LRMDA: variants seen among roughly 807,000 people sequenced by gnomAD.
LRMDA encodes leucine rich melanocyte differentiation associated, also known as leucine-rich melanocyte differentiation-associated protein.
LRMDA carries 18 observed loss-of-function variants against 29.8 expected under a neutral mutation model. The ratio of observed to expected loss-of-function variants is 0.60; its 90% CI spans 0.42 to 0.90. LRMDA has a LOEUF of 0.90. Ranked by LOEUF, LRMDA falls within the 40% of genes least tolerant of loss-of-function variation. The pLI is 0.00. For synonymous variants in LRMDA, 125 were observed against 109.4 expected, an observed-to-expected ratio of 1.14 and a Z score of -0.89; for missense variants, 273 against 273.9, an observed-to-expected ratio of 1.00 and a Z score of 0.02.
intron 2 of LRMDA, among the ~76,000 whole-genome samples, chr10:75,896,786 G>A (rs1589245146): frequency 6.6e-6 from 1 of 151,834 alleles, no homozygotes; most frequent in African/African-American, 2.4e-5. Context: ...CTGAGGCATG[G>A]ACCTTGTTCC....
rs67846089 is a variant in LRMDA at position 75,812,108 on chromosome 10, A to ATTTTTTTTTT, written c.132-223879_132-223870dup. On this transcript the variant is annotated intron_variant, in intron 2 of 6. Coordinates refer to ENST00000611255, the MANE Select transcript of LRMDA (RefSeq NM_001305581.2). ...TAGTTTCTAAGGGGCTTTAATTGTG[A>ATTTTTTTTTT]TTTTTTTTTTTTTTTTTTTTTTTTT... Among the ~76,000 whole-genome samples, 112 of 46,284 alleles carry ATTTTTTTTTT rather than the reference A, an allele frequency of 2.4e-3. 10 individuals carry two copies. Among genetic ancestry groups the ATTTTTTTTTT allele is most frequent in the African/African-American group, 0.013 (108 of 8,378 alleles). 30.4% of individuals were successfully genotyped at this position (46,284 alleles called of 152,430 possible). A position where few individuals can be genotyped will look rare whatever the true frequency, so the allele number is the denominator to read the frequency against.
At chr10:75,885,543 A>G (rs1193251379) in intron 2 of LRMDA, among the ~76,000 whole-genome samples, 3 of 152,062 alleles carry the variant, frequency 2.0e-5, no homozygotes, top group Non-Finnish European at 4.4e-5. Context: ...AATACAGTCA[A>G]TCTCAGGAAT....
intron 6 of LRMDA, among the ~76,000 whole-genome samples, chr10:76,515,481 A>G (rs1284368288): frequency 1.3e-5 from 2 of 152,114 alleles, no homozygotes; most frequent in Non-Finnish European, 2.9e-5. Flanking sequence ...AAAGTATGGT[A>G]GATTAGACAC....
chr10:76,451,864 T>G (rs1433531292), intron 6 of LRMDA, among the ~76,000 whole-genome samples: 1 of 151,326 alleles, frequency 6.6e-6, no homozygotes, highest in Non-Finnish European at 1.5e-5. Flanking sequence ...TCCATGTTGG[T>G]CAGGCTGGTC....
At chr10:75,706,655 G>A (rs1359902605) in intron 2 of LRMDA, among the ~76,000 whole-genome samples, 1 of 151,600 alleles carries the variant, frequency 6.6e-6, no homozygotes, top group Admixed American at 6.6e-5. Context: ...AGCTTGCAGA[G>A]TATGTTAGGG....
chr10:75,843,693 T>C (rs1278632351), intron 2 of LRMDA, among the ~76,000 whole-genome samples: 1 of 152,204 alleles, frequency 6.6e-6, no homozygotes, highest in Admixed American at 6.5e-5. Flanking sequence ...ACCCTTTCTG[T>C]GGGCAAGACA....
intron 2 of LRMDA, among the ~76,000 whole-genome samples, chr10:75,924,962 G>A (rs554559877): frequency 9.8e-5 from 15 of 152,334 alleles, no homozygotes; most frequent in African/African-American, 3.6e-4. Context: ...TGCCACTCTA[G>A]TTGAATGGGT....
At chr10:75,783,614 C>T (rs935910886) in intron 2 of LRMDA, among the ~76,000 whole-genome samples, 5 of 152,098 alleles carry the variant, frequency 3.3e-5, no homozygotes, top group African/African-American at 7.2e-5. Flanking sequence ...CACGTGCCAT[C>T]CCTCCAAAGT....
intron 5 of LRMDA, among the ~76,000 whole-genome samples, chr10:76,129,452 T>C (rs1849946364): frequency 6.6e-6 from 1 of 152,228 alleles, no homozygotes; most frequent in South Asian, 2.1e-4. Context: ...AACGCTGGTC[T>C]CCTGAAATAG....
At chr10:76,013,691 G>A (rs1847825828) in intron 2 of LRMDA, among the ~76,000 whole-genome samples, 1 of 152,148 alleles carries the variant, frequency 6.6e-6, no homozygotes, top group African/African-American at 2.4e-5. Context: ...GGAAGGCCGA[G>A]GAAGAGTGGA....
At chr10:75,807,636 A>C (rs138439799) in intron 2 of LRMDA, among the ~76,000 whole-genome samples, 2 of 152,296 alleles carry the variant, frequency 1.3e-5, no homozygotes, top group Admixed American at 6.5e-5. Flanking sequence ...AGCTTGACGA[A>C]CAGTGGCCGA....
intron 6 of LRMDA, among the ~76,000 whole-genome samples, chr10:76,553,016 G>A (rs1843513664): frequency 6.6e-6 from 1 of 152,092 alleles, no homozygotes; most frequent in Admixed American, 6.6e-5. Context: ...AAGATAAAGG[G>A]CCTCTTTAAA....
At chr10:75,962,929 T>A (rs1846793929) in intron 2 of LRMDA, among the ~76,000 whole-genome samples, 1 of 152,178 alleles carries the variant, frequency 6.6e-6, no homozygotes, top group African/African-American at 2.4e-5. Flanking sequence ...TTTAGAAACA[T>A]CCTGTTATTG....
In LRMDA at chr10:76,559,677, G is replaced by T. The variant is rs1194989698; in HGVS notation, c.*2389G>T. 1.3e-5 allele frequency: 2 copies of T among 152,222 alleles called. No homozygotes were observed. The highest frequency in any genetic ancestry group is 2.4e-5 in the African/African-American group (1 of 41,440). 9.4% of individuals were successfully genotyped at this position (152,222 alleles called of 1,614,324 possible). A position where few individuals can be genotyped will look rare whatever the true frequency, so the allele number is the denominator to read the frequency against. On this transcript the variant is annotated 3_prime_UTR_variant, in exon 7 of 7. Coordinates refer to ENST00000611255, the MANE Select transcript of LRMDA (RefSeq NM_001305581.2). ...TTCCCAAACCTTGTTTTTCAAAGTT[G>T]AGAAGTAGAAAGTAATAAATTCAAT...
chr10:75,608,109 T>TATATATATATATATATA, intron 2 of LRMDA, among the ~76,000 whole-genome samples: 1 of 79,208 alleles, frequency 1.3e-5, no homozygotes, highest in Non-Finnish European at 2.7e-5. Flanking sequence ...TTGTAGTGTG[T>TATATATATATATATATA]GTATATATAT....
At chr10:76,327,475 A>G (rs1205947595) in intron 6 of LRMDA, among the ~76,000 whole-genome samples, 1 of 151,920 alleles carries the variant, frequency 6.6e-6, no homozygotes, top group Non-Finnish European at 1.5e-5. Context: ...CTTGCCTGAT[A>G]CCCCCTACAC....
chr10:76,333,083 G>T (rs1840923894), intron 6 of LRMDA, among the ~76,000 whole-genome samples: 1 of 152,174 alleles, frequency 6.6e-6, no homozygotes, highest in Non-Finnish European at 1.5e-5. Context: ...TGAAGAACAT[G>T]TTAAGTGGAG....
chr10:76,060,985 CAG>C (rs200766542), intron 5 of LRMDA, among the ~76,000 whole-genome samples: 382 of 152,274 alleles, frequency 2.5e-3, no homozygotes, highest in Admixed American at 6.4e-3. Flanking sequence ...GAGCTAAAAA[CAG>C]AACTACCATT....
chr10:75,446,698 C>T (rs1410346231), intron 2 of LRMDA, among the ~76,000 whole-genome samples: 1 of 152,182 alleles, frequency 6.6e-6, no homozygotes, highest in East Asian at 1.9e-4. Context: ...TGCAGCATAA[C>T]CTAGCCTATC....
Sources: allele counts gnomAD v4.1 joint callset (sites outside exome capture counted in the v4.1 genomes callset), GRCh38; gene constraint gnomAD v4.1.1; transcripts MANE v1.5; gene names NCBI Gene and HGNC (gene_info 2026-07-23, HGNC 2026-07-21).